BCAR3: variants seen among roughly 807,000 people sequenced by gnomAD.
BCAR3 encodes the protein breast cancer anti-estrogen resistance protein 3.
A neutral mutation model predicts 80.1 loss-of-function variants in BCAR3; 37 were observed. The ratio of observed to expected loss-of-function variants is 0.46; its 90% CI spans 0.36 to 0.61. The LOEUF (loss-of-function observed/expected upper bound fraction) is 0.61, where lower values mean the gene tolerates loss of function less well. Ranked by LOEUF, BCAR3 falls within the 20% of genes least tolerant of loss-of-function variation. The pLI, the probability that BCAR3 is intolerant of heterozygous loss-of-function variation, is 0.00. For synonymous variants in BCAR3, 389 were observed against 418.9 expected, an observed-to-expected ratio of 0.93 and a Z score of 0.87; for missense variants, 978 against 1,068.2, an observed-to-expected ratio of 0.92 and a Z score of 1.18.
rs534262823 is a variant in BCAR3 at position 93,831,958 on chromosome 1, T to C, written c.-63+13609A>G. On this transcript the variant is annotated intron_variant, in intron 2 of 13. Coordinates refer to the BCAR3 transcript ENST00000370244. The stretch of plus-strand genomic sequence containing the variant: ...AGCATTGAGGCTCTTTTTCATCAAA[T>C]ATAAACACTCAACCCAGTTCACGGC... Among the ~76,000 whole-genome samples, 5 of 152,270 alleles carry C rather than the reference T, an allele frequency of 3.3e-5. No individual in the cohort carries two copies. In the East Asian group the frequency reaches 9.7e-4, roughly 29 times the overall value.
rs947427207 is a variant in BCAR3, at chr1:93,581,045, C to G, written c.1686+1256G>C. Among the ~76,000 whole-genome samples the G allele has an allele frequency of 2.0e-5, 3 of 152,112 alleles. No individual in the cohort carries two copies. The East Asian group carries it at 5.8e-4, about 29-fold the overall frequency. On this transcript the variant is annotated intron_variant, in intron 7 of 11. Coordinates refer to ENST00000260502, the MANE Select transcript of BCAR3 (RefSeq NM_003567.4). ...GGTGTGGTGGCATGCGCCTGTGGTCCCAGCTACTCAGGAGGCTGAGGTGGG... is the reference window on the plus strand; with the variant it reads ...GGTGTGGTGGCATGCGCCTGTGGTCGCAGCTACTCAGGAGGCTGAGGTGGG...
chr1:93,814,554 T>C (rs2100809124), intron 2 of BCAR3, among the ~76,000 whole-genome samples: 1 of 152,358 alleles, frequency 6.6e-6, no homozygotes, highest in African/African-American at 2.4e-5. Context: ...TCCAATGGGC[T>C]TGGGCTCTGC....
chr1:93,650,066 C>T (rs1016386066), intron 2 of BCAR3, among the ~76,000 whole-genome samples: 3 of 151,684 alleles, frequency 2.0e-5, no homozygotes, highest in Non-Finnish European at 4.4e-5. Flanking sequence ...AAAAAAGAAG[C>T]CTAGGAGGGT....
intron 2 of BCAR3, among the ~76,000 whole-genome samples, chr1:93,720,831 T>C (rs994894149): frequency 1.3e-5 from 2 of 152,204 alleles, no homozygotes; most frequent in Non-Finnish European, 2.9e-5. Context: ...TGTGTCTTTT[T>C]CTCACTTGTG....
intron 2 of BCAR3, among the ~76,000 whole-genome samples, chr1:93,655,018 G>C (rs1357145186): frequency 6.6e-6 from 1 of 152,198 alleles, no homozygotes; most frequent in Non-Finnish European, 1.5e-5. Flanking sequence ...TCAGTGCTTT[G>C]CACATGGCAG....
chr1:93,686,078 A>C (rs1216369871), upstream of BCAR3, among the ~76,000 whole-genome samples: 1 of 152,146 alleles, frequency 6.6e-6, no homozygotes, highest in Non-Finnish European at 1.5e-5. Flanking sequence ...TATGCAAAAT[A>C]CTGTTATTTT....
At chr1:93,815,907 C>G (rs1003798154) in intron 2 of BCAR3, among the ~76,000 whole-genome samples, 1 of 152,190 alleles carries the variant, frequency 6.6e-6, no homozygotes, top group Non-Finnish European at 1.5e-5. Context: ...GCTAGGTTTA[C>G]AGGATCTGAT....
At chr1:93,613,715 C>T (rs1166575974) in intron 3 of BCAR3, 12 of 1,107,440 alleles carry the variant, frequency 1.1e-5, no homozygotes, top group South Asian at 1.6e-5. Context: ...GAAGACCCAT[C>T]AGTCAAAGAA....
chr1:93,839,604 G>C (rs919616359), intron 2 of BCAR3, among the ~76,000 whole-genome samples: 2 of 152,206 alleles, frequency 1.3e-5, no homozygotes, highest in Admixed American at 6.5e-5. Flanking sequence ...GCCTCTTTTA[G>C]ATTGGACTGA....
intron 8 of BCAR3, among the ~76,000 whole-genome samples, chr1:93,572,150 G>A (rs1673244435): frequency 1.3e-5 from 2 of 152,306 alleles, no homozygotes; most frequent in South Asian, 2.1e-4. Flanking sequence ...GTGCTCAGAA[G>A]TGCATGTGGC....
At chr1:93,606,528 T>TCAGAAAGATGACTGAGCA (rs1674776718) in intron 3 of BCAR3, among the ~76,000 whole-genome samples, 1 of 152,056 alleles carries the variant, frequency 6.6e-6, no homozygotes, top group African/African-American at 2.4e-5. Flanking sequence ...GCCACCAACA[T>TCAGAAAGATGACTGAGCA]CCAATAAAAA....
At chr1:93,684,721 G>GTGTTTTTTGTTTTT (rs57898595), upstream of BCAR3, among the ~76,000 whole-genome samples, 1 of 127,120 alleles carries the variant, frequency 7.9e-6, no homozygotes, top group African/African-American at 3.9e-5. Flanking sequence ...TTTGAATCAG[G>GTGTTTTTTGTTTTT]TGTTTTTTGT....
chr1:93,567,019 C>T (rs12024733), intron 11 of BCAR3, among the ~76,000 whole-genome samples: 62,319 of 152,106 alleles, frequency 0.41, 15,424 homozygotes, highest in Non-Finnish European at 0.54. Context: ...TGAACCACCA[C>T]GCCCGGCCCC....
chr1:93,631,074 C>T (rs948560828), intron 3 of BCAR3, among the ~76,000 whole-genome samples: 2 of 152,274 alleles, frequency 1.3e-5, no homozygotes, highest in South Asian at 2.1e-4. Context: ...ATAAAGTATC[C>T]GGAGGGCCAC....
chr1:93,607,531 C>T (rs1201014950), intron 3 of BCAR3, among the ~76,000 whole-genome samples: 1 of 151,950 alleles, frequency 6.6e-6, no homozygotes, highest in African/African-American at 2.4e-5. Context: ...GCTCCTCAAA[C>T]TCATCCCACA....
rs1651705944 is a variant in BCAR3 at position 93,755,323 on chromosome 1, A to G, written c.-62-49181T>C. Among the ~76,000 whole-genome samples the G allele has an allele frequency of 3.3e-5, 5 of 152,182 alleles. No individual in the cohort carries two copies. In the South Asian group the frequency reaches 1.0e-3, roughly 31 times the overall value. ...GTACAGTGTTTATAAAGTCCTCAGT[A>G]GTGCACAGTAATGTCCTAGGCCTTC... On this transcript the variant is annotated intron_variant, in intron 2 of 13. Transcript: ENST00000370244.
chr1:93,726,349 A>C (rs563429631), intron 2 of BCAR3, among the ~76,000 whole-genome samples: 1 of 152,300 alleles, frequency 6.6e-6, no homozygotes, highest in East Asian at 1.9e-4. Flanking sequence ...TCAAGATTAC[A>C]GGCATGAGCC....
At chr1:93,763,753 T>G (rs898469324) in intron 2 of BCAR3, among the ~76,000 whole-genome samples, 6 of 152,204 alleles carry the variant, frequency 3.9e-5, no homozygotes, top group African/African-American at 1.4e-4. Context: ...CAGTAAATAT[T>G]TAACATTGGC....
At chr1:93,638,180 C>T (rs777098703) in intron 3 of BCAR3, among the ~76,000 whole-genome samples, 16 of 152,136 alleles carry the variant, frequency 1.1e-4, no homozygotes, top group Non-Finnish European at 1.5e-4. Flanking sequence ...ACCTGAGAGG[C>T]GGAGGTTGCA....
Sources: allele counts gnomAD v4.1 joint callset (sites outside exome capture counted in the v4.1 genomes callset), GRCh38; gene constraint gnomAD v4.1.1; transcripts MANE v1.5; gene names NCBI Gene and HGNC (gene_info 2026-07-23, HGNC 2026-07-21).